The following SLFN14 variants were observed in gnomAD, a reference collection of about 807,000 sequenced individuals.
SLFN14 encodes schlafen family member 14.
A neutral mutation model predicts 58.6 loss-of-function variants in SLFN14; 47 were observed. That is an observed-to-expected ratio of 0.80 (90% confidence interval 0.64 to 1.02). The LOEUF (loss-of-function observed/expected upper bound fraction) is 1.02, where lower values mean the gene tolerates loss of function less well. Among genes scored for constraint, SLFN14 ranks in the 50% least tolerant of loss-of-function variants. SLFN14 has a pLI of 0.00. For missense variants in SLFN14, 967 were observed against 1,078.4 expected (o/e 0.90, Z 1.45); for synonymous variants, 390 against 387.3 (o/e 1.01, Z -0.08).
Position 35,553,054 on chromosome 17 carries a change from A to G in SLFN14, c.1580T>C (p.Leu527Pro). Residue 527 changes from leucine to proline, a missense_variant, in exon 5 of 6, where the codon CTG becomes CCG. Physicochemically the swap from Leu to Pro is moderately conservative, Grantham distance 98. Transcript: ENST00000674182. ...STQSRPGEIP[L>P]RYPRSYRLAD... is the part of the protein sequence containing the mutation. Reference sequence around the variant, plus strand: ...AAGCCTGTAGGACCTGGGGTAACGCAGGGGGATCTCACCAGGTCTACTCTG... The same window carrying G: ...AAGCCTGTAGGACCTGGGGTAACGCGGGGGGATCTCACCAGGTCTACTCTG... 7.1e-6 allele frequency: 11 copies of G among 1,551,622 alleles called. No individual in the cohort carries two copies. The highest frequency in any genetic ancestry group is 9.6e-6 in the Non-Finnish European group (11 of 1,146,986).
rs1385522809 is a variant in SLFN14, at chr17:35,546,122, T to C, written c.*2117A>G. Among the ~76,000 whole-genome samples the C allele has an allele frequency of 6.6e-6, 1 of 152,236 alleles. No individual in the cohort carries two copies. Among genetic ancestry groups the C allele is most frequent in the Non-Finnish European group, 1.5e-5 (1 of 68,046 alleles). ...GGTACTAAGGCTTATGACTAAAATA[T>C]AGCAATTCCTTGTCCCACTCATACT... On this transcript the variant is annotated 3_prime_UTR_variant, in exon 6 of 6. Transcript: ENST00000674182.
Position 35,548,221 on chromosome 17 carries a change from T to TA in SLFN14, c.*17dup. Reference sequence around the variant, plus strand: ...GGACTCTGCTCTTCCTGTCTTCCTCTATTATTTGTAATAATTTTCAGTAGG... The same window carrying TA: ...GGACTCTGCTCTTCCTGTCTTCCTCTAATTATTTGTAATAATTTTCAGTAGG... On this transcript the variant is annotated 3_prime_UTR_variant, in exon 6 of 6. Coordinates refer to ENST00000674182, the MANE Select transcript of SLFN14 (RefSeq NM_001129820.2). 6.5e-7 allele frequency: 1 copy of TA among 1,546,516 alleles called. No individual in the cohort carries two copies.
Position 35,557,947 on chromosome 17 carries a change from C to A in SLFN14, c.116G>T (p.Arg39Ile). Residue 39 changes from arginine to isoleucine, a missense_variant, in exon 3 of 6, where the codon AGA becomes ATA. Coordinates refer to ENST00000674182, the MANE Select transcript of SLFN14 (RefSeq NM_001129820.2). ...CCGGATAATTCTAGAATTCTCAGAT[C>A]TTTTCAAACAGCTGTTGGTCATCTT... ...RKKMTNSCLK[R>I]SENSRIIRAI... 1 of 1,551,682 alleles carries A rather than the reference C, an allele frequency of 6.4e-7. No homozygotes were observed. The highest frequency in any genetic ancestry group is 8.7e-7 in the Non-Finnish European group (1 of 1,146,996).
chr17:35,556,269 C>T (rs939286357), intron 3 of SLFN14, among the ~76,000 whole-genome samples: 3 of 152,062 alleles, frequency 2.0e-5, no homozygotes, highest in Non-Finnish European at 4.4e-5. Context: ...AACTCCTGGG[C>T]TTAGGCAATC....
chr17:35,549,063 T>G lies in SLFN14; in HGVS notation c.1915A>C (p.Thr639Pro). The change falls in exon 6 of 6, where the codon ACC becomes CCC. Residue 639 changes from threonine to proline, a missense_variant. By Grantham distance (38) the Thr-to-Pro change is conservative. Transcript: ENST00000674182. The part of the protein sequence containing the change: ...SLKDFVTQQT[T>P]CQAVTRKTFM... ...GTTTTCCTGGTCACAGCTTGGCAGGTGGTTTGTTGGCTGTAAGGACGGAAA... is the reference window on the plus strand; with the variant it reads ...GTTTTCCTGGTCACAGCTTGGCAGGGGGTTTGTTGGCTGTAAGGACGGAAA... 3 of 1,551,264 alleles carry G rather than the reference T, an allele frequency of 1.9e-6. No individual in the cohort carries two copies. The highest frequency in any genetic ancestry group is 2.6e-6 in the Non-Finnish European group (3 of 1,146,800).
At position 35,552,573 on chromosome 17, in the gene SLFN14, CTA is replaced by C. The variant is rs1350461047; in HGVS notation, c.1904+155_1904+156del. ...TTTGTATGGGAGCTCTGTTTTCACT[CTA>C]TTAAATCTTGCAACTGCAAAAAGAA... On this transcript the variant is annotated intron_variant, in intron 5 of 5. Transcript: ENST00000674182. Among the ~76,000 whole-genome samples the C allele has an allele frequency of 4.0e-5, 6 of 150,716 alleles. No individual in the cohort carries two copies. The East Asian group carries it at 1.2e-3, about 29-fold the overall frequency.
chr17:35,555,371 CAAAA>C (rs58849511), intron 3 of SLFN14, among the ~76,000 whole-genome samples: 1 of 130,038 alleles, frequency 7.7e-6, no homozygotes, highest in African/African-American at 2.9e-5. Flanking sequence ...GACTCCGTCT[CAAAA>C]AAAAAAAAAA....
In SLFN14 at chr17:35,553,248, T is replaced by C. The variant is rs1455566654; in HGVS notation, c.1386A>G (p.Ala462=). Residue 462 remains alanine, a synonymous_variant, in exon 5 of 6, where the codon GCA becomes GCG. Coordinates refer to ENST00000674182, the MANE Select transcript of SLFN14 (RefSeq NM_001129820.2). ...QNVLCDALLI[A]VNSPVVLYTI... ...TATAGAGTACCACGGGGCTGTTAAC[T>C]GCTATCAGGAGAGCATCACACAGGA... The C allele has an allele frequency of 6.4e-7, 1 of 1,551,690 alleles. No individual in the cohort carries two copies.
intron 3 of SLFN14, 185 bp from the exon 4 acceptor site, chr17:35,554,889 A>C (rs183934225): frequency 2.9e-4 from 111 of 376,330 alleles, no homozygotes; most frequent in Non-Finnish European, 4.7e-4. Context: ...GGATTCCTAC[A>C]GGGGACATAT....
chr17:35,558,139 T>C (rs2072671836), intron 2 of SLFN14, 33 bp from the exon 3 acceptor site: 1 of 1,229,808 alleles, frequency 8.1e-7, no homozygotes, highest in East Asian at 2.6e-5. Context: ...GTTTCTATAT[T>C]AATAAGAATT....
At position 35,552,713 on chromosome 17, in the gene SLFN14, G is replaced by T; in HGVS notation, c.1904+17C>A. On this transcript the variant is annotated intron_variant, in intron 5 of 5. Coordinates refer to ENST00000674182, the MANE Select transcript of SLFN14 (RefSeq NM_001129820.2). ...ACATACATATTTTTGTGTGTGTGTA[G>T]TTGGTAAAACTCTTACGTCACAAAA... 6.6e-7 allele frequency: 1 copy of T among 1,515,274 alleles called. No individual in the cohort carries two copies. Among genetic ancestry groups the T allele is most frequent in the Non-Finnish European group, 8.8e-7 (1 of 1,130,450 alleles). The allele number at this position is 1,515,274 out of a possible 1,614,324, so 93.9% of individuals were successfully genotyped here.
chr17:35,557,475 G>A lies in SLFN14; in HGVS notation c.588C>T (p.Leu196=), dbSNP rs934418058. Residue 196 remains leucine, a synonymous_variant, in exon 3 of 6, where the codon CTC becomes CTT. Coordinates refer to ENST00000674182, the MANE Select transcript of SLFN14 (RefSeq NM_001129820.2). The stretch of plus-strand genomic sequence containing the variant: ...TAAAGTTGAGTTTCTCCTTATACAT[G>A]AGTTTGTCCTTTTTAAAAAATTCTG... ...LASEFFKKDK[L]MYKEKLNFTE... 27 of 1,551,548 alleles carry A rather than the reference G, an allele frequency of 1.7e-5. No homozygotes were observed. Among genetic ancestry groups the A allele is most frequent in the Non-Finnish European group, 2.0e-5 (23 of 1,147,002 alleles).
chr17:35,548,752 C>G lies in SLFN14; in HGVS notation c.2226G>C (p.Met742Ile). 1 of 1,551,716 alleles carries G rather than the reference C, an allele frequency of 6.4e-7. No homozygotes were observed. The highest frequency in any genetic ancestry group is 8.7e-7 in the Non-Finnish European group (1 of 1,146,982). The change falls in exon 6 of 6, where the codon ATG becomes ATC. Residue 742 changes from methionine (M) to isoleucine (I), a missense_variant. Coordinates refer to ENST00000674182, the MANE Select transcript of SLFN14 (RefSeq NM_001129820.2). The stretch of plus-strand genomic sequence containing the variant: ...CTTTGATCCTCTTCATTTCTTCTTT[C>G]ATAACCTTCGCTATTTCCAGAGCAC... ...IHCALEIAKV[M>I]KEEMKRIKEN...
intron 3 of SLFN14, 98 bp from the exon 4 acceptor site, chr17:35,554,802 G>A (rs2072635017): frequency 9.4e-7 from 1 of 1,066,942 alleles, no homozygotes; most frequent in Non-Finnish European, 1.2e-6. Flanking sequence ...CTGGAGACCT[G>A]TGATGTGCAT....
At position 35,557,532 on chromosome 17, in the gene SLFN14, A is replaced by G; in HGVS notation, c.531T>C (p.Ile177=). The change falls in exon 3 of 6, where the codon ATT becomes ATC. Residue 177 remains isoleucine (I), a synonymous_variant. Transcript: ENST00000674182. The part of the protein sequence containing the change: ...LHPQQVLNRC[I]QEEEDMRILA... Reference sequence around the variant, plus strand: ...ATATCCTCATATCTTCCTCTTCCTGAATGCATCTATTGAGAACCTGCTGAG... The same window carrying G: ...ATATCCTCATATCTTCCTCTTCCTGGATGCATCTATTGAGAACCTGCTGAG... The G allele has an allele frequency of 6.4e-7, 1 of 1,551,648 alleles. No individual in the cohort carries two copies. Among genetic ancestry groups the G allele is most frequent in the South Asian group, 1.2e-5 (1 of 84,062 alleles).
chr17:35,553,114 C>A lies in SLFN14; in HGVS notation c.1520G>T (p.Cys507Phe). ...CAGGTGTATCAGCCTTGGAATGATG[C>A]ACACTTTCCCTGTGTAACCACCAAC... ...QTVGGYTGKVCIIPRLIHLSS... is the reference protein window; with the variant it reads ...QTVGGYTGKVFIIPRLIHLSS... Residue 507 changes from cysteine to phenylalanine, a missense_variant, in exon 5 of 6, where the codon TGC becomes TTC. By Grantham distance (205) the Cys-to-Phe change is radical. Transcript: ENST00000674182. 2 of 1,551,672 alleles carry A rather than the reference C, an allele frequency of 1.3e-6. No individual in the cohort carries two copies. Among genetic ancestry groups the A allele is most frequent in the South Asian group, 2.4e-5 (2 of 84,060 alleles).
At chr17:35,560,069 A>C (rs1474853925) in intron 1 of SLFN14, among the ~76,000 whole-genome samples, 1 of 151,778 alleles carries the variant, frequency 6.6e-6, no homozygotes, top group East Asian at 2.0e-4. Context: ...CTACCTATCA[A>C]ATAGTCCCTC....
chr17:35,554,028 C>T (rs1597907554), intron 4 of SLFN14, among the ~76,000 whole-genome samples: 1 of 152,118 alleles, frequency 6.6e-6, no homozygotes, highest in African/African-American at 2.4e-5. Context: ...CTACAATTCA[C>T]AGGGCTCTCC....
Position 35,557,034 on chromosome 17 carries a change from C to T in SLFN14, c.1029G>A (p.Gln343=). The T allele has an allele frequency of 6.4e-7, 1 of 1,551,608 alleles. No individual in the cohort carries two copies. Among genetic ancestry groups the T allele is most frequent in the Non-Finnish European group, 8.7e-7 (1 of 1,146,938 alleles). Residue 343 remains glutamine (Q), a synonymous_variant, in exon 3 of 6, where the codon CAG becomes CAA. Coordinates refer to ENST00000674182, the MANE Select transcript of SLFN14 (RefSeq NM_001129820.2). The part of the protein sequence containing the change: ...DNSVTRLTAE[Q]WVVMMLDTQS... ...GAGTATCCAGCATCATGACCACCCA[C>T]TGCTCAGCTGTCAGCCGTGTGACAG...
Sources: allele counts gnomAD v4.1 joint callset (sites outside exome capture counted in the v4.1 genomes callset), GRCh38; gene constraint gnomAD v4.1.1; transcripts MANE v1.5; gene names NCBI Gene and HGNC (gene_info 2026-07-23, HGNC 2026-07-21).